Variants in CRMP1 observed in about 807,000 individuals in gnomAD.
CRMP1 encodes dihydropyrimidinase-related protein 1.
CRMP1 carries 19 observed loss-of-function variants against 68.3 expected under a neutral mutation model. The observed-to-expected ratio is 0.28, with a 90% CI of 0.19 to 0.41. CRMP1 has a LOEUF of 0.41. CRMP1 is among the 10% of genes least tolerant of loss of function. The pLI is 1.00. For synonymous variants in CRMP1, 439 were observed against 399.6 expected (o/e 1.10, Z -1.18); for missense variants, 791 against 967.4 (o/e 0.82, Z 2.42).
At position 5,866,264 on chromosome 4, in the gene CRMP1, G is replaced by A. The variant is rs1713993978; in HGVS notation, c.470+404C>T. On this transcript the variant is annotated intron_variant, in intron 2 of 13. Transcript: ENST00000324989. The surrounding 1 kb of genome is among the most constrained non-coding windows in gnomAD (Gnocchi z 5.9). ...ACCCAATTCCAGAAACTGTGGGTAG[G>A]TGGAAGAAAGAGCTGTGAATTCAGT... Among the ~76,000 whole-genome samples the A allele has an allele frequency of 6.6e-6, 1 of 152,204 alleles. No individual in the cohort carries two copies. Among genetic ancestry groups the A allele is most frequent in the Admixed American group, 6.5e-5 (1 of 15,290 alleles).
intron 9 of CRMP1, among the ~76,000 whole-genome samples, chr4:5,837,505 G>A (rs1560492154): frequency 1.3e-5 from 2 of 150,662 alleles, no homozygotes; most frequent in East Asian, 1.9e-4. Context: ...GTGGGCGCTT[G>A]TAATCCCAGC....
chr4:5,835,825 G>C lies in CRMP1; in HGVS notation c.1623+90C>G. The C allele has an allele frequency of 2.3e-6, 3 of 1,324,012 alleles. No homozygotes were observed. In the South Asian group the frequency reaches 7.7e-5, roughly 34 times the overall value. 82.0% of individuals were successfully genotyped at this position (1,324,012 alleles called of 1,614,324 possible). On this transcript the variant is annotated intron_variant, in intron 11 of 13. Coordinates refer to ENST00000324989, the MANE Select transcript of CRMP1 (RefSeq NM_001014809.3). The stretch of plus-strand genomic sequence containing the variant: ...TAGATATCAGATCACATCCTAGTTG[G>C]AAAATTCATAAATCATTTTTAACCA...
chr4:5,839,722 CT>C, intron 8 of CRMP1, 44 bp from the exon 9 acceptor site: 1 of 1,563,372 alleles, frequency 6.4e-7, no homozygotes, highest in African/African-American at 1.4e-5. Context: ...CAAATACTCT[CT>C]TGAGGCAGAT....
At position 5,824,608 on chromosome 4, in the gene CRMP1, C is replaced by T. The variant is rs909637032; in HGVS notation, c.1969+886G>A. On this transcript the variant is annotated intron_variant, in intron 13 of 13. Coordinates refer to ENST00000324989, the MANE Select transcript of CRMP1 (RefSeq NM_001014809.3). ...GGCCCACCGCCTGTTTCTGTACGAT[C>T]CATGACCTGAGAATAGTTTGTACAT... 5.3e-6 allele frequency: 5 copies of T among 952,310 alleles called. No individual in the cohort carries two copies. In the African/African-American group the frequency reaches 8.9e-5, roughly 17 times the overall value. The allele number at this position is 952,310 out of a possible 1,614,324, so 59.0% of individuals were successfully genotyped here.
chr4:5,833,158 A>AC (rs1720496085), intron 11 of CRMP1, among the ~76,000 whole-genome samples: 3 of 124,784 alleles, frequency 2.4e-5, no homozygotes, highest in African/African-American at 3.4e-5. Flanking sequence ...ACCTTCCAGA[A>AC]CTTTTTTTTT....
At position 5,861,539 on chromosome 4, in the gene CRMP1, T is replaced by A. The variant is rs1713556672; in HGVS notation, c.471-329A>T. Among the ~76,000 whole-genome samples, 1 of 152,196 alleles carries A rather than the reference T, an allele frequency of 6.6e-6. No homozygotes were observed. Among genetic ancestry groups the A allele is most frequent in the South Asian group, 2.1e-4 (1 of 4,830 alleles). ...GAATCCAACAGAAGTGAGCCCAGCA[T>A]GATGCATGTGCTGACCGTCATGTCT... On this transcript the variant is annotated intron_variant, in intron 2 of 13. Coordinates refer to ENST00000324989, the MANE Select transcript of CRMP1 (RefSeq NM_001014809.3). This position sits in a 1 kb window ranked among gnomAD's most constrained non-coding sequence, Gnocchi z 6.0.
chr4:5,881,442 A>G lies in CRMP1; in HGVS notation c.381+11147T>C, dbSNP rs1256420271. The stretch of plus-strand genomic sequence containing the variant: ...AGGATTAAAGACCTAAAATTACACC[A>G]GGTAAGTCTGCAACCATCACCATGC... On this transcript the variant is annotated intron_variant, in intron 1 of 13. Transcript: ENST00000324989. This position sits in a 1 kb window ranked among gnomAD's most constrained non-coding sequence, Gnocchi z 4.6. Among the ~76,000 whole-genome samples the G allele has an allele frequency of 6.6e-6, 1 of 152,204 alleles. No homozygotes were observed. The highest frequency in any genetic ancestry group is 1.9e-4 in the East Asian group (1 of 5,190).
chr4:5,846,254 C>T (rs1391442964), intron 6 of CRMP1, among the ~76,000 whole-genome samples: 1 of 152,128 alleles, frequency 6.6e-6, no homozygotes, highest in Non-Finnish European at 1.5e-5. Flanking sequence ...CAAGATTGCA[C>T]CACTGTACTC....
chr4:5,887,840 A>C, intron 1 of CRMP1: 1 of 997,074 alleles, frequency 1.0e-6, no homozygotes, highest in Non-Finnish European at 1.2e-6. Context: ...GGGCCGAGCC[A>C]AGGAGGCTCA....
At chr4:5,852,227 G>A (rs1260421264) in intron 4 of CRMP1, among the ~76,000 whole-genome samples, 1 of 152,228 alleles carries the variant, frequency 6.6e-6, no homozygotes, top group African/African-American at 2.4e-5. Context: ...GTCAGGGAGA[G>A]CTGAGTTCAG....
In CRMP1 at chr4:5,891,860, A is replaced by C. The variant is rs1560527247; in HGVS notation, c.381+729T>G. On this transcript the variant is annotated intron_variant, in intron 1 of 13. Coordinates refer to ENST00000324989, the MANE Select transcript of CRMP1 (RefSeq NM_001014809.3). This position sits in a 1 kb window ranked among gnomAD's most constrained non-coding sequence, Gnocchi z 5.2. Reference sequence around the variant, plus strand: ...CCCTGATCCTCCCGGCCCCATGCTCAGGTCCGGGAGGCCAGAGACCCCAGT... The same window carrying C: ...CCCTGATCCTCCCGGCCCCATGCTCCGGTCCGGGAGGCCAGAGACCCCAGT... 6.6e-6 allele frequency among the ~76,000 whole-genome samples: 1 copy of C among 152,100 alleles called. No individual in the cohort carries two copies. The highest frequency in any genetic ancestry group is 1.5e-5 in the Non-Finnish European group (1 of 68,018).
chr4:5,871,353 C>G (rs1024842814), intron 1 of CRMP1, among the ~76,000 whole-genome samples: 1 of 152,092 alleles, frequency 6.6e-6, no homozygotes, highest in African/African-American at 2.4e-5. Context: ...TACCCGGTGC[C>G]GTGAGTTTAG....
chr4:5,868,310 T>C (rs1447961135), intron 1 of CRMP1, among the ~76,000 whole-genome samples: 1 of 137,864 alleles, frequency 7.3e-6, no homozygotes, highest in Admixed American at 7.3e-5. Flanking sequence ...TATACATAAT[T>C]TTTTTTTTTG....
intron 10 of CRMP1, 102 bp downstream of exon 10, chr4:5,836,663 G>A: frequency 1.3e-6 from 2 of 1,558,378 alleles, no homozygotes; most frequent in South Asian, 1.1e-5. Flanking sequence ...CCGCCTCCAT[G>A]TAAGAAGGGA....
chr4:5,878,043 G>A (rs1286280316), intron 1 of CRMP1, among the ~76,000 whole-genome samples: 1 of 152,194 alleles, frequency 6.6e-6, no homozygotes, highest in East Asian at 1.9e-4. Context: ...CATTCCTTGA[G>A]CTCATATTAA....
intron 5 of CRMP1, 64 bp downstream of exon 5, chr4:5,851,344 G>C (rs1712600983): frequency 1.4e-6 from 2 of 1,452,990 alleles, no homozygotes; most frequent in Non-Finnish European, 1.9e-6. Context: ...GTGCTGCCTG[G>C]ACTGGCAAAG....
chr4:5,823,884 C>T (rs1560474676), intron 13 of CRMP1, among the ~76,000 whole-genome samples: 1 of 152,198 alleles, frequency 6.6e-6, no homozygotes, highest in Non-Finnish European at 1.5e-5. Context: ...AGCTCTATAA[C>T]GTAACATACG....
chr4:5,839,711 G>A, intron 8 of CRMP1, 33 bp from the exon 9 acceptor site: 1 of 1,587,758 alleles, frequency 6.3e-7, no homozygotes, highest in South Asian at 1.1e-5. Context: ...CTGGTTAAAA[G>A]CAAATACTCT....
intron 1 of CRMP1, among the ~76,000 whole-genome samples, chr4:5,884,500 A>C (rs995956583): frequency 3.3e-5 from 5 of 152,056 alleles, no homozygotes; most frequent in South Asian, 4.2e-4. Flanking sequence ...ACACACGGGC[A>C]GTGGTTTTCC....
Sources: allele counts gnomAD v4.1 joint callset (sites outside exome capture counted in the v4.1 genomes callset), GRCh38; gene constraint gnomAD v4.1.1; non-coding constraint Gnocchi (gnomAD v3.1); transcripts MANE v1.5; gene names NCBI Gene and HGNC (gene_info 2026-07-23, HGNC 2026-07-21).